The following PTPRM variants were observed in gnomAD, a reference collection of about 807,000 sequenced individuals.
PTPRM encodes the protein receptor-type tyrosine-protein phosphatase mu.
PTPRM carries 47 observed loss-of-function variants against 186.7 expected under a neutral mutation model. The observed-to-expected ratio is 0.25, with a 90% CI of 0.20 to 0.32. The LOEUF is 0.32. Ranked by LOEUF, PTPRM falls within the 10% of genes least tolerant of loss-of-function variation. The pLI, the probability that PTPRM is intolerant of heterozygous loss-of-function variation, is 1.00. For missense variants in PTPRM, 1,494 were observed against 1,865.0 expected, an observed-to-expected ratio of 0.80 and a Z score of 3.66; for synonymous variants, 668 against 674.9, an observed-to-expected ratio of 0.99 and a Z score of 0.16.
rs562660175 is a variant in PTPRM, at chr18:7,715,651, C to T, written c.74-58498C>T. Among the ~76,000 whole-genome samples, 68 of 152,330 alleles carry T rather than the reference C, an allele frequency of 4.5e-4. No individual in the cohort carries two copies. In the Middle Eastern group the frequency reaches 0.01, roughly 23 times the overall value. ...ATCTCCTTAAGCTGATAAGCAACTT[C>T]AGCAAAGTCTCAGGATACAAAATCA... On this transcript the variant is annotated intron_variant, in intron 1 of 32. Coordinates refer to ENST00000580170, the MANE Select transcript of PTPRM (RefSeq NM_001105244.2).
chr18:8,391,584 T>G (rs947381404), intron 31 of PTPRM, among the ~76,000 whole-genome samples: 1 of 152,250 alleles, frequency 6.6e-6, no homozygotes, highest in Non-Finnish European at 1.5e-5. Context: ...TCTTTGGTGA[T>G]ACTGATGGTA....
intron 14 of PTPRM, among the ~76,000 whole-genome samples, chr18:8,146,215 G>A (rs1176718916): frequency 6.6e-6 from 1 of 151,748 alleles, no homozygotes; most frequent in African/African-American, 2.4e-5. Context: ...GTAGAGACAG[G>A]GTTTCTCCAT....
intron 7 of PTPRM, among the ~76,000 whole-genome samples, chr18:8,063,048 TC>T (rs2088710643): frequency 1.3e-5 from 2 of 150,488 alleles, no homozygotes; most frequent in Non-Finnish European, 3.0e-5. Context: ...CGGGCGCCCC[TC>T]CCCCAGCCTC....
chr18:8,304,291 G>A (rs773909617), intron 20 of PTPRM, among the ~76,000 whole-genome samples: 4 of 152,164 alleles, frequency 2.6e-5, no homozygotes, highest in Non-Finnish European at 2.9e-5. Flanking sequence ...GAAATACCAT[G>A]TTCTACAGAC....
At chr18:8,103,493 G>A (rs2091383879) in intron 11 of PTPRM, among the ~76,000 whole-genome samples, 1 of 152,176 alleles carries the variant, frequency 6.6e-6, no homozygotes, top group East Asian at 1.9e-4. Context: ...ACCAACCTCT[G>A]CTAGCTTCAG....
At chr18:8,354,803 G>A (rs1201142642) in intron 23 of PTPRM, among the ~76,000 whole-genome samples, 1 of 152,182 alleles carries the variant, frequency 6.6e-6, no homozygotes, top group Non-Finnish European at 1.5e-5. Flanking sequence ...TCCAGCAGCA[G>A]TAGAACAGTG....
intron 30 of PTPRM, 106 bp from the exon 31 acceptor site, chr18:8,386,966 C>T (rs1248030071): frequency 3.4e-6 from 4 of 1,189,062 alleles, no homozygotes; most frequent in Middle Eastern, 2.0e-4. Context: ...AGGCAGGACT[C>T]GCCTTTAATA....
At chr18:7,899,522 G>A (rs1225637976) in intron 3 of PTPRM, among the ~76,000 whole-genome samples, 3 of 152,136 alleles carry the variant, frequency 2.0e-5, no homozygotes, top group Non-Finnish European at 4.4e-5. Flanking sequence ...AAGATAAGGT[G>A]ACTCTGTGAT....
intron 1 of PTPRM, among the ~76,000 whole-genome samples, chr18:7,708,000 G>A (rs2040132310): frequency 6.6e-6 from 1 of 152,164 alleles, no homozygotes; most frequent in Admixed American, 6.5e-5. Flanking sequence ...AATTACTTTA[G>A]CACTAGAATA....
chr18:8,349,891 C>T (rs962593114), intron 23 of PTPRM, among the ~76,000 whole-genome samples: 4 of 152,196 alleles, frequency 2.6e-5, no homozygotes, highest in African/African-American at 7.2e-5. Flanking sequence ...CACTGGTCAC[C>T]CTGGTGTTCA....
intron 2 of PTPRM, among the ~76,000 whole-genome samples, chr18:7,792,806 C>T (rs1046722163): frequency 2.0e-5 from 3 of 151,998 alleles, no homozygotes; most frequent in African/African-American, 4.8e-5. Context: ...GCTGGGACTA[C>T]ACAACACAAC....
chr18:8,063,257 A>G (rs1335173680), intron 7 of PTPRM, among the ~76,000 whole-genome samples: 1 of 143,190 alleles, frequency 7.0e-6, no homozygotes, highest in South Asian at 2.1e-4. Context: ...TGACTCGGAA[A>G]GGGAACTCCC....
chr18:8,364,032 C>T (rs574060185), intron 23 of PTPRM, among the ~76,000 whole-genome samples: 237 of 152,282 alleles, frequency 1.6e-3, no homozygotes, highest in African/African-American at 5.6e-3. Flanking sequence ...GAGGGATTTA[C>T]TTATGATATG....
intron 12 of PTPRM, among the ~76,000 whole-genome samples, chr18:8,114,360 G>T (rs755959379): frequency 3.9e-5 from 6 of 152,072 alleles, no homozygotes. Context: ...GAAATGTTTC[G>T]CAGATACCAC....
chr18:7,737,857 G>A (rs2040804834), intron 1 of PTPRM, among the ~76,000 whole-genome samples: 1 of 152,194 alleles, frequency 6.6e-6, no homozygotes, highest in Admixed American at 6.5e-5. Context: ...CCAGGCTGTG[G>A]CTGTTGGCTG....
intron 14 of PTPRM, among the ~76,000 whole-genome samples, chr18:8,231,184 G>C (rs2094281483): frequency 6.6e-6 from 1 of 152,190 alleles, no homozygotes; most frequent in African/African-American, 2.4e-5. Context: ...ACAATCTGTT[G>C]ACATAACCTA....
At chr18:7,842,947 T>TATATATAGAG (rs370746043) in intron 2 of PTPRM, among the ~76,000 whole-genome samples, 70 of 112,112 alleles carry the variant, frequency 6.2e-4, no homozygotes, top group African/African-American at 2.0e-3. Context: ...TATATATATA[T>TATATATAGAG]AGAGAGAGAG....
chr18:8,193,217 A>G (rs1008547688), intron 14 of PTPRM, among the ~76,000 whole-genome samples: 1 of 152,188 alleles, frequency 6.6e-6, no homozygotes, highest in Non-Finnish European at 1.5e-5. Flanking sequence ...GAGAAAGCCA[A>G]TGTTAACAAC....
At chr18:7,809,793 TGA>T (rs948226751) in intron 2 of PTPRM, among the ~76,000 whole-genome samples, 2 of 152,172 alleles carry the variant, frequency 1.3e-5, no homozygotes, top group Admixed American at 6.5e-5. Flanking sequence ...ATCTTCCCTT[TGA>T]GTTTAAGATG....
Sources: gnomAD v4.1 joint callset for allele counts (sites outside exome capture counted in the v4.1 genomes callset) on GRCh38, gnomAD v4.1.1 for gene constraint, MANE v1.5 for transcripts, NCBI Gene and HGNC (gene_info 2026-07-23, HGNC 2026-07-21) for gene names.